PTPN13: variants seen among roughly 807,000 people sequenced by gnomAD.
The protein encoded by PTPN13 is protein tyrosine phosphatase non-receptor type 13.
In PTPN13, 191 loss-of-function variants were observed where a neutral mutation model predicts 284.0. The ratio of observed to expected loss-of-function variants is 0.67; its 90% CI spans 0.60 to 0.76. The LOEUF is 0.76. PTPN13 is among the 30% of genes least tolerant of loss of function. PTPN13 has a pLI of 0.00. For missense variants in PTPN13, 2,797 were observed against 2,939.9 expected, an observed-to-expected ratio of 0.95 and a Z score of 1.12; for synonymous variants, 986 against 1,022.3, an observed-to-expected ratio of 0.96 and a Z score of 0.68.
intron 1 of PTPN13, among the ~76,000 whole-genome samples, chr4:86,623,773 G>A (rs1286362105): frequency 6.6e-6 from 1 of 152,056 alleles, no homozygotes; most frequent in African/African-American, 2.4e-5. Flanking sequence ...TTAGAACTTT[G>A]CTCAAATGAC....
At chr4:86,598,198 G>A (rs566532491) in intron 1 of PTPN13, among the ~76,000 whole-genome samples, 2 of 151,696 alleles carry the variant, frequency 1.3e-5, no homozygotes, top group South Asian at 4.2e-4. Flanking sequence ...GAATACAGTG[G>A]CACAATCTTG....
At chr4:86,726,225 TGTA>T (rs1734236209) in intron 10 of PTPN13, among the ~76,000 whole-genome samples, 1 of 149,642 alleles carries the variant, frequency 6.7e-6, no homozygotes, top group Non-Finnish European at 1.5e-5. Flanking sequence ...ACTGTAGACT[TGTA>T]GTATAGTTTG....
intron 1 of PTPN13, among the ~76,000 whole-genome samples, chr4:86,598,036 T>C (rs1321770640): frequency 6.6e-6 from 1 of 152,194 alleles, no homozygotes; most frequent in African/African-American, 2.4e-5. Flanking sequence ...TTCTGCATAG[T>C]ATAAAAAGTG....
At chr4:86,650,608 T>C (rs1259572755) in intron 2 of PTPN13, among the ~76,000 whole-genome samples, 13 of 152,254 alleles carry the variant, frequency 8.5e-5, no homozygotes, top group Non-Finnish European at 1.9e-4. Flanking sequence ...CAGCCTGTTT[T>C]ATAGTTTTAA....
intron 15 of PTPN13, among the ~76,000 whole-genome samples, chr4:86,740,961 C>CAGTTCCCAACA (rs568198782): frequency 6.6e-6 from 1 of 152,150 alleles, no homozygotes; most frequent in African/African-American, 2.4e-5. Flanking sequence ...ACCTCTGCTC[C>CAGTTCCCAACA]AGTTCCCAAC....
chr4:86,635,451 A>C, intron 2 of PTPN13, 80 bp downstream of exon 2: 1 of 1,520,454 alleles, frequency 6.6e-7, no homozygotes, highest in Non-Finnish European at 8.8e-7. Context: ...GTCAGAGATT[A>C]GATTTTTGTT....
intron 2 of PTPN13, among the ~76,000 whole-genome samples, chr4:86,659,316 C>T (rs1384554106): frequency 1.3e-5 from 2 of 151,972 alleles, no homozygotes; most frequent in Admixed American, 1.3e-4. Flanking sequence ...CAAAATCTAA[C>T]ACTCATAACA....
At chr4:86,641,822 A>G (rs1723823389) in intron 2 of PTPN13, among the ~76,000 whole-genome samples, 1 of 152,182 alleles carries the variant, frequency 6.6e-6, no homozygotes, top group African/African-American at 2.4e-5. Flanking sequence ...CACATGATCT[A>G]TCTTTGTAAA....
At chr4:86,701,046 G>A (rs1179715395) in intron 6 of PTPN13, among the ~76,000 whole-genome samples, 195 bp from the exon 7 acceptor site, 1 of 152,106 alleles carries the variant, frequency 6.6e-6, no homozygotes, top group African/African-American at 2.4e-5. Flanking sequence ...AAGAGACGAT[G>A]AACTATGAAA....
intron 1 of PTPN13, among the ~76,000 whole-genome samples, chr4:86,617,617 G>A (rs1243371114): frequency 6.6e-6 from 1 of 151,670 alleles, no homozygotes; most frequent in African/African-American, 2.4e-5. Flanking sequence ...TTTAATGATC[G>A]CCATTCTAAC....
At chr4:86,597,107 C>A (rs1296274331) in intron 1 of PTPN13, among the ~76,000 whole-genome samples, 1 of 151,514 alleles carries the variant, frequency 6.6e-6, no homozygotes, top group African/African-American at 2.4e-5. Flanking sequence ...AGATAATGGG[C>A]CTTAGGATAG....
At chr4:86,688,156 C>T (rs572382175) in intron 4 of PTPN13, among the ~76,000 whole-genome samples, 10 of 152,178 alleles carry the variant, frequency 6.6e-5, no homozygotes, top group Middle Eastern at 3.4e-3. Context: ...GACATTGCAT[C>T]TAAGCTAACA....
At chr4:86,678,800 T>G (rs1728576209) in intron 3 of PTPN13, among the ~76,000 whole-genome samples, 1 of 152,210 alleles carries the variant, frequency 6.6e-6, no homozygotes, top group Non-Finnish European at 1.5e-5. Flanking sequence ...CTTTAGTATA[T>G]CTCATATATG....
At chr4:86,634,515 C>G (rs1218888228) in intron 1 of PTPN13, among the ~76,000 whole-genome samples, 1 of 152,138 alleles carries the variant, frequency 6.6e-6, no homozygotes, top group Non-Finnish European at 1.5e-5. Context: ...CTTATCTGAT[C>G]TTTTATTAAT....
At chr4:86,655,143 A>C (rs901386916) in intron 2 of PTPN13, among the ~76,000 whole-genome samples, 2 of 152,180 alleles carry the variant, frequency 1.3e-5, no homozygotes, top group Admixed American at 6.5e-5. Flanking sequence ...GTCTCTGCAC[A>C]TGAGATGGGT....
chr4:86,605,388 C>G (rs1006873225), intron 1 of PTPN13, among the ~76,000 whole-genome samples: 1 of 151,798 alleles, frequency 6.6e-6, no homozygotes, highest in Non-Finnish European at 1.5e-5. Flanking sequence ...TTCATAGGGT[C>G]AGAACATTTT....
At chr4:86,764,518 AAG>A (rs1198448672) in intron 24 of PTPN13, 73 bp from the exon 25 acceptor site, 19 of 1,171,466 alleles carry the variant, frequency 1.6e-5, no homozygotes, top group Non-Finnish European at 2.2e-5. Flanking sequence ...TTTAAAAAAA[AAG>A]AAATTAAAAA....
intron 17 of PTPN13, among the ~76,000 whole-genome samples, chr4:86,747,259 C>T (rs1296292772): frequency 1.3e-5 from 2 of 152,200 alleles, no homozygotes; most frequent in African/African-American, 2.4e-5. Flanking sequence ...ACTTACAAGC[C>T]CTAAAACTTT....
chr4:86,782,289 G>T, intron 37 of PTPN13, 27 bp downstream of exon 37: 1 of 1,544,618 alleles, frequency 6.5e-7, no homozygotes, highest in Non-Finnish European at 9.0e-7. Flanking sequence ...CCTCTTTCAT[G>T]TCATACCTCC....
Sources: gnomAD v4.1 joint callset for allele counts (sites outside exome capture counted in the v4.1 genomes callset) on GRCh38, gnomAD v4.1.1 for gene constraint, MANE v1.5 for transcripts, NCBI Gene and HGNC (gene_info 2026-07-23, HGNC 2026-07-21) for gene names.